The following UBE2C variants were observed in gnomAD, a reference collection of about 807,000 sequenced individuals.
UBE2C encodes the protein ubiquitin conjugating enzyme E2 C.
A neutral mutation model predicts 23.5 loss-of-function variants in UBE2C; 16 were observed. The observed-to-expected ratio is 0.68, with a 90% CI of 0.46 to 1.03. The LOEUF (loss-of-function observed/expected upper bound fraction) is 1.03. Among genes scored for constraint, UBE2C ranks in the 50% least tolerant of loss-of-function variants. The probability of loss-of-function intolerance (pLI) is 0.00; values close to 1 mark genes in which losing one functional copy is unlikely to be tolerated. For synonymous variants in UBE2C, 76 were observed against 91.6 expected, an observed-to-expected ratio of 0.83 and a Z score of 0.97; for missense variants, 192 against 227.6, an observed-to-expected ratio of 0.84 and a Z score of 1.01.
At chr20:45,815,404 C>T (rs780038846) in intron 3 of UBE2C, 137 bp from the exon 4 acceptor site, 2 of 1,604,388 alleles carry the variant, frequency 1.2e-6, no homozygotes, top group Admixed American at 3.5e-5. Flanking sequence ...TGGGGAGCAT[C>T]AGAACCAGCT....
chr20:45,814,271 C>CATATATAATATATATATATATATATAT (rs1982257283), intron 2 of UBE2C, 113 bp from the exon 3 acceptor site: 1 of 339,610 alleles, frequency 2.9e-6, no homozygotes, highest in African/African-American at 2.5e-5. Flanking sequence ...TGTATGTGAG[C>CATATATAATATATATATATATATATAT]ATATATATAT....
At chr20:45,816,464 C>T (rs962431798) in intron 5 of UBE2C, among the ~76,000 whole-genome samples, 27 of 152,186 alleles carry the variant, frequency 1.8e-4, no homozygotes, top group Admixed American at 5.2e-4. Flanking sequence ...GGTGAAACCC[C>T]GTCTCTACTA....
rs764673709 is a variant in UBE2C, at chr20:45,812,773, C to T, written c.78C>T (p.Ala26=). 1 of 1,556,726 alleles carries T rather than the reference C, an allele frequency of 6.4e-7. No individual in the cohort carries two copies. Among genetic ancestry groups the T allele is most frequent in the South Asian group, 1.2e-5 (1 of 84,582 alleles). ...ARKGAEPSGG[A]ARGPVGKRLQ... ...AAGGAGCTGAGCCGAGCGGGGGCGCCGCCCGGGGTCCGGTGGGCAAAAGGT... is the reference window on the plus strand; with the variant it reads ...AAGGAGCTGAGCCGAGCGGGGGCGCTGCCCGGGGTCCGGTGGGCAAAAGGT... Residue 26 remains alanine, a synonymous_variant, in exon 1 of 6, where the codon GCC becomes GCT. Coordinates refer to ENST00000356455, the MANE Select transcript of UBE2C (RefSeq NM_007019.4).
intron 1 of UBE2C, 32 bp from the exon 2 acceptor site, chr20:45,813,405 C>T: frequency 6.2e-7 from 1 of 1,614,130 alleles, no homozygotes; most frequent in Middle Eastern, 1.6e-4. Flanking sequence ...CCCATCCAGA[C>T]TCCCAGGTAA....
chr20:45,816,010 TGG>T, intron 5 of UBE2C, 97 bp downstream of exon 5: 27 of 1,362,518 alleles, frequency 2.0e-5, no homozygotes, highest in Non-Finnish European at 2.7e-5. Flanking sequence ...CCGGGTTGGT[TGG>T]GGCAGGGTGG....
chr20:45,814,440 G>T lies in UBE2C; in HGVS notation c.186G>T (p.Trp62Cys), dbSNP rs767562250. 6.2e-7 allele frequency: 1 copy of T among 1,611,148 alleles called. No homozygotes were observed. The highest frequency in any genetic ancestry group is 8.5e-7 in the Non-Finnish European group (1 of 1,178,564). Reference protein sequence around the residue: ...AFPESDNLFKWVGTIHGAAGT... With the variant: ...AFPESDNLFKCVGTIHGAAGT... ...CTGAATCAGACAACCTTTTCAAATG[G>T]GTAGGGACCATCCATGGAGCAGCTG... Residue 62 changes from tryptophan to cysteine, a missense_variant, in exon 3 of 6, where the codon TGG (tryptophan) becomes TGT (cysteine). Trp to Cys is a radical substitution (Grantham distance 215). Coordinates refer to ENST00000356455, the MANE Select transcript of UBE2C (RefSeq NM_007019.4).
intron 3 of UBE2C, chr20:45,815,256 CA>C (rs1352487267): frequency 1.2e-6 from 1 of 839,994 alleles, no homozygotes; most frequent in Non-Finnish European, 1.8e-6. Context: ...TAGTGGCTCA[CA>C]CCTGTAATCT....
chr20:45,812,933 G>A (rs991255061), intron 1 of UBE2C, 137 bp downstream of exon 1: 8 of 1,430,700 alleles, frequency 5.6e-6, no homozygotes, highest in Non-Finnish European at 7.3e-6. Context: ...CACACCAGGA[G>A]CTCGGGGCCT....
Position 45,816,836 on chromosome 20 carries a change from A to G in UBE2C, c.*69A>G. On this transcript the variant is annotated 3_prime_UTR_variant, in exon 6 of 6. Transcript: ENST00000356455. ...CCTTAGATGGTCTGTCCTTTTTGTG[A>G]TTTCTGTATAGGACTCTTTATCTTG... 1 of 1,373,140 alleles carries G rather than the reference A, an allele frequency of 7.3e-7. No individual in the cohort carries two copies. The highest frequency in any genetic ancestry group is 1.0e-6 in the Non-Finnish European group (1 of 980,998). The allele number at this position is 1,373,140 out of a possible 1,614,324, so 85.1% of individuals were successfully genotyped here. A position where few individuals can be genotyped will look rare whatever the true frequency, so the allele number is the denominator to read the frequency against.
At position 45,816,628 on chromosome 20, in the gene UBE2C, C is replaced by T. The variant is rs1402773394; in HGVS notation, c.482-81C>T. 3.0e-6 allele frequency: 4 copies of T among 1,323,280 alleles called. No individual in the cohort carries two copies. The African/African-American group carries it at 4.4e-5, about 15-fold the overall frequency. 82.0% of individuals were successfully genotyped at this position (1,323,280 alleles called of 1,614,324 possible). A position where few individuals can be genotyped will look rare whatever the true frequency, so the allele number is the denominator to read the frequency against. On this transcript the variant is annotated intron_variant, in intron 5 of 5. Transcript: ENST00000356455. The stretch of plus-strand genomic sequence containing the variant: ...CTCCAGCTTGGTCAACAGAGTGAGA[C>T]TCCATCTCAAAAATAATAAATAGTA...
At chr20:45,814,579 A>G in intron 3 of UBE2C, 109 bp downstream of exon 3, 1 of 787,528 alleles carries the variant, frequency 1.3e-6, no homozygotes, top group Non-Finnish European at 2.0e-6. Context: ...TCCTCCTGTG[A>G]CTGTTTACAT....
intron 2 of UBE2C, 36 bp from the exon 3 acceptor site, chr20:45,814,348 G>C: frequency 6.4e-7 from 1 of 1,553,546 alleles, no homozygotes; most frequent in Non-Finnish European, 8.8e-7. Context: ...GCCCAAAAGT[G>C]TACTCCACAT....
Position 45,815,635 on chromosome 20 carries a change from AC to A in UBE2C, c.315del (p.Asn106ThrfsTer13). The A allele has an allele frequency of 6.2e-7, 1 of 1,613,840 alleles. No homozygotes were observed. The highest frequency in any genetic ancestry group is 8.5e-7 in the Non-Finnish European group (1 of 1,179,880). On this transcript the variant is annotated frameshift_variant, in exon 4 of 6. Transcript: ENST00000356455. LOFTEE classifies it high-confidence loss of function. ...GTGAAGTTCCTCACGCCCTGCTATC[AC>A]CCCAACGTGGACACCCAGGGTAACA... ...PTVKFLTPCY[H>X]PNVDTQGNIC... is the part of the protein sequence containing the mutation.
At position 45,812,760 on chromosome 20, in the gene UBE2C, C is replaced by T; in HGVS notation, c.65C>T (p.Pro22Leu). 6.4e-7 allele frequency: 1 copy of T among 1,557,514 alleles called. No homozygotes were observed. Residue 22 changes from proline (P) to leucine (L), a missense_variant, in exon 1 of 6, where the codon CCG (proline) becomes CTG (leucine). Pro to Leu is a moderately conservative substitution (Grantham distance 98). Coordinates refer to ENST00000356455, the MANE Select transcript of UBE2C (RefSeq NM_007019.4). Reference sequence around the variant, plus strand: ...GCCGCCGCCCGTAAAGGAGCTGAGCCGAGCGGGGGCGCCGCCCGGGGTCCG... The same window carrying T: ...GCCGCCGCCCGTAAAGGAGCTGAGCTGAGCGGGGGCGCCGCCCGGGGTCCG... ...SVAAARKGAEPSGGAARGPVG... is the reference protein window; with the variant it reads ...SVAAARKGAELSGGAARGPVG...
chr20:45,815,847 C>A lies in UBE2C; in HGVS notation c.422-7C>A. 1 of 1,614,108 alleles carries A rather than the reference C, an allele frequency of 6.2e-7. No individual in the cohort carries two copies. The highest frequency in any genetic ancestry group is 1.6e-4 in the Middle Eastern group (1 of 6,062). ...CGCCTTGACCTTCTCTTTCTCTCCA[C>A]CCACAGAACCCAACATTGATAGTCC... On this transcript the variant is annotated splice_polypyrimidine_tract_variant and splice_region_variant and intron_variant, in intron 4 of 5. Transcript: ENST00000356455.
chr20:45,813,915 G>C (rs1309376468), intron 2 of UBE2C, among the ~76,000 whole-genome samples: 1 of 152,004 alleles, frequency 6.6e-6, no homozygotes, highest in African/African-American at 2.4e-5. Context: ...GACCAGCCTG[G>C]CCAACATTGC....
chr20:45,813,596 C>G, intron 2 of UBE2C, 132 bp downstream of exon 2: 5 of 1,118,404 alleles, frequency 4.5e-6, no homozygotes, highest in Non-Finnish European at 5.4e-6. Flanking sequence ...TCATACACCC[C>G]ACCTACACCA....
intron 1 of UBE2C, 81 bp downstream of exon 1, chr20:45,812,877 C>A (rs1350679171): frequency 2.7e-6 from 4 of 1,467,200 alleles, no homozygotes; most frequent in Non-Finnish European, 3.6e-6. Flanking sequence ...TAGGACCACC[C>A]CCCGCCGCCA....
chr20:45,816,657 A>T, intron 5 of UBE2C, 52 bp from the exon 6 acceptor site: 1 of 1,537,308 alleles, frequency 6.5e-7, no homozygotes, highest in Non-Finnish European at 8.9e-7. Context: ...AATAGTAAAG[A>T]TTAACTCATC....
Sources: gnomAD v4.1 joint callset for allele counts (sites outside exome capture counted in the v4.1 genomes callset) on GRCh38, gnomAD v4.1.1 for gene constraint, MANE v1.5 for transcripts, NCBI Gene and HGNC (gene_info 2026-07-23, HGNC 2026-07-21) for gene names.